The following ST6GALNAC3 variants were observed in gnomAD, a reference collection of about 807,000 sequenced individuals.
ST6GALNAC3 encodes the protein alpha-N-acetylgalactosaminide alpha-2,6-sialyltransferase 3.
In ST6GALNAC3, 25 loss-of-function variants were observed where a neutral mutation model predicts 32.7. The ratio of observed to expected loss-of-function variants is 0.76; its 90% CI spans 0.56 to 1.07. The LOEUF (loss-of-function observed/expected upper bound fraction) is 1.07, where lower values mean the gene tolerates loss of function less well. Among genes scored for constraint, ST6GALNAC3 ranks in the 50% least tolerant of loss-of-function variants. The probability of loss-of-function intolerance (pLI) is 0.00; values close to 1 mark genes in which losing one functional copy is unlikely to be tolerated. For missense variants in ST6GALNAC3, 355 were observed against 382.4 expected (o/e 0.93, Z 0.60); for synonymous variants, 129 against 133.1 (o/e 0.97, Z 0.21).
At chr1:76,243,142 C>T (rs940420640) in intron 1 of ST6GALNAC3, among the ~76,000 whole-genome samples, 1 of 152,156 alleles carries the variant, frequency 6.6e-6, no homozygotes, top group Non-Finnish European at 1.5e-5. Flanking sequence ...TTAGTGATCG[C>T]CATTCTGACT....
At position 76,313,962 on chromosome 1, in the gene ST6GALNAC3, G is replaced by A. The variant is rs142835503; in HGVS notation, c.176G>A (p.Arg59Gln). 1.2e-5 allele frequency: 20 copies of A among 1,613,134 alleles called. No individual in the cohort carries two copies. The highest frequency in any genetic ancestry group is 3.3e-5 in the South Asian group (3 of 91,032). ...TCCTACACATACAGGCGGCCCCTTC[G>A]AACTCACTATGGATACATAAATGTG... ...PFSYTYRRPL[R>Q]THYGYINVKT... The change falls in exon 2 of 5, where the codon CGA becomes CAA. Residue 59 changes from arginine to glutamine, a missense_variant. Arg to Gln is a conservative substitution (Grantham distance 43). Transcript: ENST00000328299.
chr1:76,171,042 CTA>C (rs773089487), intron 1 of ST6GALNAC3, among the ~76,000 whole-genome samples: 64 of 151,670 alleles, frequency 4.2e-4, no homozygotes, highest in Non-Finnish European at 8.1e-4. Context: ...TTTTCAAAGA[CTA>C]TTTATTTTGT....
At chr1:76,622,134 A>G (rs1488321402) in intron 3 of ST6GALNAC3, among the ~76,000 whole-genome samples, 2 of 151,856 alleles carry the variant, frequency 1.3e-5, no homozygotes, top group Admixed American at 1.3e-4. Context: ...TCAAGAAAGA[A>G]ACAGTAGAAC....
At chr1:76,547,836 C>A (rs1394496625) in intron 3 of ST6GALNAC3, among the ~76,000 whole-genome samples, 1 of 149,090 alleles carries the variant, frequency 6.7e-6, no homozygotes, top group Non-Finnish European at 1.5e-5. Flanking sequence ...CACTCCAGCC[C>A]CAGCGACAAT....
intron 2 of ST6GALNAC3, among the ~76,000 whole-genome samples, chr1:76,339,490 A>G (rs151065425): frequency 2.0e-5 from 3 of 152,334 alleles, no homozygotes; most frequent in Admixed American, 6.5e-5. Flanking sequence ...GACTCATTTT[A>G]TACTTGTGAT....
rs575035934 is a variant in ST6GALNAC3, at chr1:76,156,785, A to T, written c.18+81901A>T. Among the ~76,000 whole-genome samples the T allele has an allele frequency of 5.3e-5, 8 of 152,216 alleles. No homozygotes were observed. The East Asian group carries it at 1.6e-3, about 30-fold the overall frequency. ...CTCGCTCTCTCGCCCAGGCTGGAGT[A>T]CAGTGGCGCGATCTTGGCTCACTGC... On this transcript the variant is annotated intron_variant, in intron 1 of 4. Coordinates refer to ENST00000328299, the MANE Select transcript of ST6GALNAC3 (RefSeq NM_152996.4).
At chr1:76,390,113 A>G (rs1030836681) in intron 2 of ST6GALNAC3, among the ~76,000 whole-genome samples, 4 of 152,268 alleles carry the variant, frequency 2.6e-5, no homozygotes, top group East Asian at 1.9e-4. Context: ...ATTTAGTTAT[A>G]TAAATGATTT....
chr1:76,618,273 C>T (rs1410363921), intron 3 of ST6GALNAC3, among the ~76,000 whole-genome samples: 1 of 152,152 alleles, frequency 6.6e-6, no homozygotes, highest in Non-Finnish European at 1.5e-5. Context: ...GCTGCTGTAT[C>T]AGACATGATG....
At chr1:76,372,603 A>G (rs1238822207) in intron 2 of ST6GALNAC3, among the ~76,000 whole-genome samples, 1 of 152,188 alleles carries the variant, frequency 6.6e-6, no homozygotes, top group Non-Finnish European at 1.5e-5. Flanking sequence ...TGGTCATAAC[A>G]TCATCTATTT....
intron 2 of ST6GALNAC3, among the ~76,000 whole-genome samples, chr1:76,338,506 A>G (rs892481946): frequency 6.6e-6 from 1 of 152,182 alleles, no homozygotes; most frequent in Admixed American, 6.5e-5. Context: ...CTGGGGCTGT[A>G]GCATGTAGCA....
intron 1 of ST6GALNAC3, among the ~76,000 whole-genome samples, chr1:76,292,177 T>C (rs1660135258): frequency 6.6e-6 from 1 of 152,256 alleles, no homozygotes; most frequent in African/African-American, 2.4e-5. Flanking sequence ...GAACTTAATA[T>C]TACAGCAACA....
chr1:76,475,887 C>G (rs1021032945), intron 3 of ST6GALNAC3, among the ~76,000 whole-genome samples: 2 of 152,008 alleles, frequency 1.3e-5, no homozygotes, highest in Non-Finnish European at 2.9e-5. Context: ...GTGTGATGTT[C>G]CCCTCACTGT....
intron 1 of ST6GALNAC3, among the ~76,000 whole-genome samples, chr1:76,117,346 C>T (rs1648547809): frequency 6.6e-6 from 1 of 152,188 alleles, no homozygotes; most frequent in Non-Finnish European, 1.5e-5. Context: ...GGGAACTTTG[C>T]AGTCTAAGCA....
chr1:76,121,925 A>G (rs889287319), intron 1 of ST6GALNAC3, among the ~76,000 whole-genome samples: 1 of 152,066 alleles, frequency 6.6e-6, no homozygotes, highest in Non-Finnish European at 1.5e-5. Context: ...CCGTTTAACC[A>G]TACCTGGAAC....
chr1:76,085,470 G>A lies in ST6GALNAC3; in HGVS notation c.18+10586G>A, dbSNP rs12563748. On this transcript the variant is annotated intron_variant, in intron 1 of 4. Transcript: ENST00000328299. ...CTGAGCATAGAGCTAAATACGGTAC[G>A]TGGAAGAGGAGACTGAAGCTTAGAG... Among the ~76,000 whole-genome samples the A allele has an allele frequency of 4.9e-4, 74 of 152,290 alleles. No individual in the cohort carries two copies. In the East Asian group the frequency reaches 0.013, roughly 27 times the overall value.
intron 2 of ST6GALNAC3, among the ~76,000 whole-genome samples, chr1:76,346,937 GT>G (rs1175169910): frequency 6.6e-6 from 1 of 152,110 alleles, no homozygotes; most frequent in South Asian, 2.1e-4. Flanking sequence ...CGTAGAGAAA[GT>G]TTTAGTTGAA....
chr1:76,501,129 C>T (rs1026314901), intron 3 of ST6GALNAC3, among the ~76,000 whole-genome samples: 1 of 152,108 alleles, frequency 6.6e-6, no homozygotes, highest in Non-Finnish European at 1.5e-5. Context: ...AAATACATGC[C>T]TTTCCTTTTA....
Position 76,412,169 on chromosome 1 carries a change from T to C in ST6GALNAC3, c.375T>C (p.Ile125=). The C allele has an allele frequency of 6.2e-7, 1 of 1,613,744 alleles. No individual in the cohort carries two copies. Among genetic ancestry groups the C allele is most frequent in the South Asian group, 1.1e-5 (1 of 91,068 alleles). The change falls in exon 3 of 5, where the codon ATT becomes ATC. Residue 125 remains isoleucine, a synonymous_variant. Coordinates refer to ENST00000328299, the MANE Select transcript of ST6GALNAC3 (RefSeq NM_152996.4). Reference sequence around the variant, plus strand: ...AAGATGTCGGCCGCATGACCATGATTCGAGTTGTGTCCCATACCAGCGTTC... The same window carrying C: ...AAGATGTCGGCCGCATGACCATGATCCGAGTTGTGTCCCATACCAGCGTTC... The part of the protein sequence containing the change: ...YEEDVGRMTM[I]RVVSHTSVPL...
At chr1:76,572,981 C>T (rs2100502952) in intron 3 of ST6GALNAC3, among the ~76,000 whole-genome samples, 1 of 152,206 alleles carries the variant, frequency 6.6e-6, no homozygotes, top group East Asian at 1.9e-4. Flanking sequence ...TGATGTCAGA[C>T]CATAGCCCAG....
Sources: allele counts gnomAD v4.1 joint callset (sites outside exome capture counted in the v4.1 genomes callset), GRCh38; gene constraint gnomAD v4.1.1; transcripts MANE v1.5; gene names NCBI Gene and HGNC (gene_info 2026-07-23, HGNC 2026-07-21).